The following HECTD4 variants were observed in gnomAD, a reference collection of about 807,000 sequenced individuals.
HECTD4 encodes probable E3 ubiquitin-protein ligase HECTD4.
A neutral mutation model predicts 471.5 loss-of-function variants in HECTD4; 114 were observed. The ratio of observed to expected loss-of-function variants is 0.24; its 90% confidence interval spans 0.21 to 0.28. HECTD4 has a LOEUF of 0.28. Among genes scored for constraint, HECTD4 ranks in the 10% least tolerant of loss-of-function variants. The probability of loss-of-function intolerance (pLI) is 1.00; values close to 1 mark genes in which losing one functional copy is unlikely to be tolerated. For synonymous variants in HECTD4, 2,012 were observed against 2,256.0 expected (o/e 0.89, Z 3.07); for missense variants, 3,866 against 5,651.5 (o/e 0.68, Z 10.13).
At position 112,185,246 on chromosome 12, in the gene HECTD4, C is replaced by G. The variant is rs760325995; in HGVS notation, c.9720G>C (p.Gly3240=). ...WVSGGACGGS[G]GAAAGDQGRF... ...TGCCCTGGTCACCGGCCGCCGCCCC[C>G]CCGGAGCCCCCGCAGGCGCCGCCTG... is the stretch of plus-strand genomic sequence containing the variant. Residue 3240 remains glycine (G), a synonymous_variant, in exon 61 of 76, where the codon GGG becomes GGC. Transcript: ENST00000682272. 139 of 1,550,060 alleles carry G rather than the reference C, an allele frequency of 9.0e-5. No homozygotes were observed. Among genetic ancestry groups the G allele is most frequent in the East Asian group, 2.2e-4 (9 of 40,914 alleles).
rs778040463 is a variant in HECTD4, at chr12:112,219,418, G to C, written c.7042C>G (p.Pro2348Ala). The C allele has an allele frequency of 3.7e-6, 6 of 1,613,688 alleles. No homozygotes were observed. The East Asian group carries it at 1.3e-4, about 36-fold the overall frequency. Residue 2348 changes from proline (P) to alanine (A), a missense_variant, in exon 45 of 76, where the codon CCA becomes GCA. By Grantham distance (27) the Pro-to-Ala change is conservative. Coordinates refer to ENST00000682272, the MANE Select transcript of HECTD4 (RefSeq NM_001388303.1). Reference protein sequence around the residue: ...RMLYRDCARPPPPPLQADRRQ... With the variant: ...RMLYRDCARPAPPPLQADRRQ... ...CGGTCAGCCTGCAAAGGAGGTGGTG[G>C]GGGCCGAGCACAGTCCCGGTAGAGC...
chr12:112,371,165 G>C (rs1185060489), intron 1 of HECTD4, among the ~76,000 whole-genome samples: 7 of 152,176 alleles, frequency 4.6e-5, no homozygotes, highest in African/African-American at 1.7e-4. Flanking sequence ...CAAGAAGACA[G>C]ATAATAATCA....
intron 24 of HECTD4, 76 bp downstream of exon 24, chr12:112,250,895 T>C (rs2135588968): frequency 2.1e-6 from 3 of 1,416,662 alleles, no homozygotes; most frequent in East Asian, 2.5e-5. Context: ...CTGGGAAATG[T>C]ACCAAAAGGA....
intron 32 of HECTD4, among the ~76,000 whole-genome samples, chr12:112,242,778 G>A (rs1280190740): frequency 1.3e-5 from 2 of 152,106 alleles, no homozygotes; most frequent in African/African-American, 2.4e-5. Flanking sequence ...AGGTGTGGTG[G>A]CATGTGCCTG....
intron 1 of HECTD4, among the ~76,000 whole-genome samples, chr12:112,337,484 T>C (rs921201882): frequency 6.6e-6 from 1 of 152,204 alleles, no homozygotes; most frequent in Non-Finnish European, 1.5e-5. Context: ...AAAGATTTTG[T>C]ATGATGGCAT....
At chr12:112,211,350 G>A (rs2032754268) in intron 49 of HECTD4, among the ~76,000 whole-genome samples, 1 of 152,004 alleles carries the variant, frequency 6.6e-6, no homozygotes, top group Admixed American at 6.6e-5. Flanking sequence ...AGAGCAGCGG[G>A]GACTACTCTG....
In HECTD4 at chr12:112,166,508, C is replaced by T. The variant is rs1294615695; in HGVS notation, c.12534+809G>A. The stretch of plus-strand genomic sequence containing the variant: ...GCGCTGGGTGGGACGTTGCCCTCCA[C>T]ACTCAGCCAGGATGGCTCTCTCAGC... On this transcript the variant is annotated intron_variant, in intron 72 of 75. Transcript: ENST00000682272. This position sits in a 1 kb window ranked among gnomAD's most constrained non-coding sequence, Gnocchi z 4.6. 6.6e-6 allele frequency: 1 copy of T among 152,286 alleles called. No homozygotes were observed. The highest frequency in any genetic ancestry group is 2.4e-5 in the African/African-American group (1 of 41,466). 9.4% of individuals were successfully genotyped at this position (152,286 alleles called of 1,614,324 possible).
chr12:112,347,361 T>C (rs1458991807), intron 1 of HECTD4, among the ~76,000 whole-genome samples: 1 of 151,910 alleles, frequency 6.6e-6, no homozygotes, highest in African/African-American at 2.4e-5. Flanking sequence ...ATACAAAAAT[T>C]AGCCGGGTGT....
chr12:112,248,071 T>C lies in HECTD4; in HGVS notation c.4244A>G (p.Asn1415Ser). 6.2e-7 allele frequency: 1 copy of C among 1,611,306 alleles called. No individual in the cohort carries two copies. Among genetic ancestry groups the C allele is most frequent in the South Asian group, 1.1e-5 (1 of 90,608 alleles). Residue 1415 changes from asparagine (N) to serine (S), a missense_variant, in exon 27 of 76, where the codon AAT becomes AGT. Coordinates refer to ENST00000682272, the MANE Select transcript of HECTD4 (RefSeq NM_001388303.1). ...CAAATCATACAATTTGCTCACCTCA[T>C]TAAAATGGTAATCATAAAAGAAAGG... The part of the protein sequence containing the change: ...NMPFFYDYHF[N>S]ENKMKELELL...
chr12:112,269,634 A>G (rs1444120923), intron 13 of HECTD4, 70 bp downstream of exon 13: 4 of 1,526,306 alleles, frequency 2.6e-6, no homozygotes, highest in East Asian at 4.5e-5. Flanking sequence ...ACCAGCTTTC[A>G]GGGAAGATTA....
In HECTD4 at chr12:112,235,812, A is replaced by C; in HGVS notation, c.5445-28T>G. ...GGGAAAAAAGGAAGAAAAGGTACAC[A>C]GTGCTAGAAATGTTGATCTATAGAC... On this transcript the variant is annotated intron_variant, in intron 35 of 75. Coordinates refer to ENST00000682272, the MANE Select transcript of HECTD4 (RefSeq NM_001388303.1). This position sits in a 1 kb window ranked among gnomAD's most constrained non-coding sequence, Gnocchi z 5.0. The C allele has an allele frequency of 6.3e-7, 1 of 1,575,632 alleles. No homozygotes were observed. Among genetic ancestry groups the C allele is most frequent in the Non-Finnish European group, 8.6e-7 (1 of 1,159,926 alleles).
At position 112,216,787 on chromosome 12, in the gene HECTD4, A is replaced by G. The variant is rs765094576; in HGVS notation, c.7371T>C (p.Thr2457=). 6.2e-7 allele frequency: 1 copy of G among 1,613,814 alleles called. No homozygotes were observed. The highest frequency in any genetic ancestry group is 8.5e-7 in the Non-Finnish European group (1 of 1,179,750). ...CTTTTACTTACTTATGGAAAAGACA[A>G]GTGCCCACTGGATTAGTCCAAGCCC... ...RDGAWTNPVG[T]CLFHNNGRAV... Residue 2457 remains threonine (T), a synonymous_variant, in exon 47 of 76, where the codon ACT becomes ACC. Transcript: ENST00000682272.
At chr12:112,240,084 A>G (rs1593965334) in intron 32 of HECTD4, 57 bp from the exon 33 acceptor site, 1 of 1,576,876 alleles carries the variant, frequency 6.3e-7, no homozygotes. Flanking sequence ...ACAGTGGCTG[A>G]GCAGGAGAGG....
chr12:112,258,756 T>C (rs988194943), intron 19 of HECTD4, 160 bp from the exon 20 acceptor site: 7 of 591,860 alleles, frequency 1.2e-5, no homozygotes, highest in Admixed American at 1.1e-4. Context: ...CTTAACATTA[T>C]TTTACTTAAT....
chr12:112,237,334 C>T (rs1407662463), intron 34 of HECTD4, among the ~76,000 whole-genome samples: 1 of 152,136 alleles, frequency 6.6e-6, no homozygotes, highest in Non-Finnish European at 1.5e-5. Context: ...TTAATTCATA[C>T]ATAACCAAAG....
intron 4 of HECTD4, among the ~76,000 whole-genome samples, chr12:112,311,024 G>C (rs2035358824): frequency 6.6e-6 from 1 of 152,214 alleles, no homozygotes; most frequent in Non-Finnish European, 1.5e-5. Context: ...CACTTTGGGA[G>C]GCCGAGGCGG....
intron 2 of HECTD4, among the ~76,000 whole-genome samples, chr12:112,315,701 T>C (rs781403575): frequency 6.6e-6 from 1 of 152,066 alleles, no homozygotes; most frequent in Non-Finnish European, 1.5e-5. Context: ...AAGGAATTAT[T>C]ACCTGCCAGA....
At chr12:112,233,562 A>G (rs2033434485) in intron 37 of HECTD4, among the ~76,000 whole-genome samples, 1 of 151,896 alleles carries the variant, frequency 6.6e-6, no homozygotes, top group South Asian at 2.1e-4. Flanking sequence ...TTAAGACTCA[A>G]TTTTTCAAAA....
rs570382560 is a variant in HECTD4, at chr12:112,297,858, A to G, written c.1335+8206T>C. On this transcript the variant is annotated intron_variant, in intron 7 of 75. Coordinates refer to ENST00000682272, the MANE Select transcript of HECTD4 (RefSeq NM_001388303.1). ...TACAGGTGTTTGAGGCCACAAAACAAGAGGAGATCAACTAAGAAGTTAAGA... is the reference window on the plus strand; with the variant it reads ...TACAGGTGTTTGAGGCCACAAAACAGGAGGAGATCAACTAAGAAGTTAAGA... Among the ~76,000 whole-genome samples the G allele has an allele frequency of 9.8e-4, 149 of 152,312 alleles. 1 individual carries two copies. The highest frequency in any genetic ancestry group is 3.2e-3 in the African/African-American group (132 of 41,548).
Sources: gnomAD v4.1 joint callset for allele counts (sites outside exome capture counted in the v4.1 genomes callset) on GRCh38, gnomAD v4.1.1 for gene constraint, Gnocchi (gnomAD v3.1) non-coding constraint, MANE v1.5 for transcripts, NCBI Gene and HGNC (gene_info 2026-07-23, HGNC 2026-07-21) for gene names.